Variants in PCDHGA4 observed in about 807,000 individuals in gnomAD.
PCDHGA4 encodes the protein protocadherin gamma subfamily A, 4.
Under a neutral mutation model 54.6 loss-of-function variants are expected in PCDHGA4, and 38 were observed. The observed-to-expected ratio is 0.70, with a 90% confidence interval of 0.54 to 0.91. PCDHGA4 has a LOEUF of 0.91. PCDHGA4 is among the 40% of genes least tolerant of loss of function. The probability of loss-of-function intolerance (pLI) is 0.00; values close to 1 mark genes in which losing one functional copy is unlikely to be tolerated. For missense variants in PCDHGA4, 1,298 were observed against 1,220.9 expected (o/e 1.06, Z -0.94); for synonymous variants, 511 against 512.9 (o/e 1.00, Z 0.05).
intron 1 of PCDHGA4, chr5:141,408,974 G>A (rs899313364): frequency 6.2e-7 from 1 of 1,613,808 alleles, no homozygotes; most frequent in South Asian, 1.1e-5. Context: ...TCTGCCCCCT[G>A]GGTCCCCTGT....
rs750967343 is a variant in PCDHGA4, at chr5:141,357,091, G to C, written c.1984G>C (p.Ala662Pro). ...LHTGEVRTAR[A>P]LLDRDALKQR... ...CACAGGCGAGGTGCGCACCGCACGG[G>C]CCCTGCTGGACAGAGACGCGCTCAA... Residue 662 changes from alanine (A) to proline (P), a missense_variant, in exon 1 of 4, where the codon GCC becomes CCC. By Grantham distance (27) the Ala-to-Pro change is conservative. Transcript: ENST00000571252. The C allele has an allele frequency of 6.2e-7, 1 of 1,613,788 alleles. No individual in the cohort carries two copies. Among genetic ancestry groups the C allele is most frequent in the Non-Finnish European group, 8.5e-7 (1 of 1,179,960 alleles).
rs1452697214 is a variant in PCDHGA4 at position 141,476,552 on chromosome 5, G to T, written c.2515-18255G>T. ...CCAGGAAATGAAATTGGAGATTAGC[G>T]AGGCCGTGGCTCCGGGGACGCGCTT... On this transcript the variant is annotated intron_variant, in intron 1 of 3. Transcript: ENST00000571252. The surrounding 1 kb of genome is among the most constrained non-coding windows in gnomAD (Gnocchi z 7.6). 6.2e-7 allele frequency: 1 copy of T among 1,614,210 alleles called. No individual in the cohort carries two copies. The highest frequency in any genetic ancestry group is 2.2e-5 in the East Asian group (1 of 44,872).
chr5:141,361,078 T>C (rs898442312), intron 1 of PCDHGA4: 6 of 1,613,886 alleles, frequency 3.7e-6, no homozygotes, highest in Admixed American at 1.7e-5. Context: ...TGCAAGTAGT[T>C]ACACTCTGAG....
At position 141,489,720 on chromosome 5, in the gene PCDHGA4, G is replaced by T. The variant is rs560729125; in HGVS notation, c.2515-5087G>T. 1.9e-6 allele frequency: 3 copies of T among 1,614,200 alleles called. No individual in the cohort carries two copies. Among genetic ancestry groups the T allele is most frequent in the Middle Eastern group, 1.6e-4 (1 of 6,062 alleles). ...TCCCACTGGACAGTGCCCAGGATCC[G>T]GATGTGGGCACCAATACTGTGAGCT... On this transcript the variant is annotated intron_variant, in intron 1 of 3. Transcript: ENST00000571252. This position sits in a 1 kb window ranked among gnomAD's most constrained non-coding sequence, Gnocchi z 4.5.
chr5:141,388,007 G>A (rs2091194433), intron 1 of PCDHGA4: 1 of 1,480,702 alleles, frequency 6.8e-7, no homozygotes, highest in Non-Finnish European at 9.1e-7. Context: ...CCGAGGAAAT[G>A]CCCAAGGGCT....
chr5:141,466,037 G>T (rs1204301031), intron 1 of PCDHGA4, among the ~76,000 whole-genome samples: 1 of 152,056 alleles, frequency 6.6e-6, no homozygotes, highest in African/African-American at 2.4e-5. Flanking sequence ...CAGGAGAACG[G>T]CATGAACCCA....
chr5:141,490,862 C>G lies in PCDHGA4; in HGVS notation c.2515-3945C>G. 1 of 1,613,878 alleles carries G rather than the reference C, an allele frequency of 6.2e-7. No homozygotes were observed. Among genetic ancestry groups the G allele is most frequent in the East Asian group, 2.2e-5 (1 of 44,874 alleles). ...GTGGTGGGGGTTCGAGACTCCGGCTCTCCCCCATTGCATGCCAACACATCT... is the reference window on the plus strand; with the variant it reads ...GTGGTGGGGGTTCGAGACTCCGGCTGTCCCCCATTGCATGCCAACACATCT... On this transcript the variant is annotated intron_variant, in intron 1 of 3. Coordinates refer to ENST00000571252, the MANE Select transcript of PCDHGA4 (RefSeq NM_018917.4). The surrounding 1 kb of genome is among the most constrained non-coding windows in gnomAD (Gnocchi z 5.4).
At chr5:141,495,020 C>G in intron 2 of PCDHGA4, 155 bp downstream of exon 2, 1 of 976,790 alleles carries the variant, frequency 1.0e-6, no homozygotes, top group Non-Finnish European at 1.2e-6. Context: ...GGCTGGCACA[C>G]AGACCCCGGA....
In PCDHGA4 at chr5:141,432,446, C is replaced by T. The variant is rs765059815; in HGVS notation, c.2515-62361C>T. The T allele has an allele frequency of 1.2e-6, 2 of 1,614,256 alleles. No individual in the cohort carries two copies. Among genetic ancestry groups the T allele is most frequent in the Non-Finnish European group, 8.5e-7 (1 of 1,180,052 alleles). On this transcript the variant is annotated intron_variant, in intron 1 of 3. Transcript: ENST00000571252. The surrounding 1 kb of genome is among the most constrained non-coding windows in gnomAD (Gnocchi z 6.0). ...CCAGAACGACAATGCGCCCGAGATC[C>T]TGTACCCCGCCCTCCCCACGGACGG...
intron 1 of PCDHGA4, chr5:141,478,925 G>T: frequency 1.4e-6 from 1 of 700,562 alleles, no homozygotes; most frequent in Non-Finnish European, 2.2e-6. Context: ...TCTAACCAGT[G>T]GCAGCTTCTA....
chr5:141,405,974 A>T (rs1194827537), intron 1 of PCDHGA4, among the ~76,000 whole-genome samples: 1 of 152,002 alleles, frequency 6.6e-6, no homozygotes, highest in Non-Finnish European at 1.5e-5. Context: ...AACGTAAACC[A>T]TACTTCATGG....
At chr5:141,400,392 A>C (rs2094014497) in intron 1 of PCDHGA4, 1 of 1,613,942 alleles carries the variant, frequency 6.2e-7, no homozygotes, top group Admixed American at 1.7e-5. Context: ...TTGCACATAC[A>C]GGAAAGACGG....
Position 141,490,629 on chromosome 5 carries a change from C to T in PCDHGA4, c.2515-4178C>T, listed in dbSNP as rs1174984711. 1.2e-6 allele frequency: 2 copies of T among 1,614,214 alleles called. No individual in the cohort carries two copies. Among genetic ancestry groups the T allele is most frequent in the East Asian group, 2.2e-5 (1 of 44,882 alleles). On this transcript the variant is annotated intron_variant, in intron 1 of 3. Coordinates refer to ENST00000571252, the MANE Select transcript of PCDHGA4 (RefSeq NM_018917.4). This position sits in a 1 kb window ranked among gnomAD's most constrained non-coding sequence, Gnocchi z 5.4. ...ACCAGCAGCTTTACACTGCTTACAT[C>T]CTAGAAAACCGGCCTCCGGGCTCCC...
At chr5:141,458,318 A>T (rs1420197662) in intron 1 of PCDHGA4, among the ~76,000 whole-genome samples, 1 of 152,128 alleles carries the variant, frequency 6.6e-6, no homozygotes, top group Non-Finnish European at 1.5e-5. Context: ...ACACAGACAC[A>T]TGTGGAGTGG....
rs370032689 is a variant in PCDHGA4 at position 141,415,343 on chromosome 5, G to A, written c.2514+57722G>A. 84 of 1,614,112 alleles carry A rather than the reference G, an allele frequency of 5.2e-5. No homozygotes were observed. The African/African-American group carries it at 1.0e-3, about 20-fold the overall frequency. On this transcript the variant is annotated intron_variant, in intron 1 of 3. Transcript: ENST00000571252. The stretch of plus-strand genomic sequence containing the variant: ...CTGCTGGCGCACAGGCTGCGGCGCT[G>A]GCACAAGTCACGCCTGCTGCAGGCT...
intron 1 of PCDHGA4, chr5:141,426,496 G>A: frequency 3.0e-6 from 1 of 337,022 alleles, no homozygotes; most frequent in South Asian, 2.4e-5. Flanking sequence ...AGTTAGTGCA[G>A]AGAAACAATA....
At chr5:141,373,797 C>G (rs1369464661) in intron 1 of PCDHGA4, 1 of 311,662 alleles carries the variant, frequency 3.2e-6, no homozygotes, top group Non-Finnish European at 5.8e-6. Context: ...AAATAAAATC[C>G]TCTGTGTGAT....
chr5:141,357,612 T>C lies in PCDHGA4; in HGVS notation c.2505T>C (p.Pro835=). The C allele has an allele frequency of 6.2e-7, 1 of 1,613,924 alleles. No homozygotes were observed. Among genetic ancestry groups the C allele is most frequent in the Non-Finnish European group, 8.5e-7 (1 of 1,179,860 alleles). The change falls in exon 1 of 4, where the codon CCT becomes CCC. Residue 835 remains proline (P), a synonymous_variant. Transcript: ENST00000571252. The part of the protein sequence containing the change: ...TQDLLETKGD[P]NLQQAPPNTD... ...ATTTACTTGAAACAAAAGGAGACCC[T>C]AATCTTCAGGTGAGTCAATCTTATA...
At chr5:141,419,793 C>T in intron 1 of PCDHGA4, 1 of 1,614,072 alleles carries the variant, frequency 6.2e-7, no homozygotes, top group East Asian at 2.2e-5. Flanking sequence ...CTGCTAGTCG[C>T]TGTAAGAGAT....
Sources: allele counts gnomAD v4.1 joint callset (sites outside exome capture counted in the v4.1 genomes callset), GRCh38; gene constraint gnomAD v4.1.1; non-coding constraint Gnocchi (gnomAD v3.1); transcripts MANE v1.5; gene names NCBI Gene and HGNC (gene_info 2026-07-23, HGNC 2026-07-21).